Variants in GRIK2 observed in about 807,000 individuals in gnomAD.
The protein encoded by GRIK2 is glutamate receptor ionotropic, kainate 2.
A neutral mutation model predicts 100.3 loss-of-function variants in GRIK2; 32 were observed. The ratio of observed to expected loss-of-function variants is 0.32; its 90% CI spans 0.24 to 0.43. The LOEUF is 0.43. Ranked by LOEUF, GRIK2 falls within the 20% of genes least tolerant of loss-of-function variation. The pLI is 1.00. For synonymous variants in GRIK2, 417 were observed against 389.4 expected, an observed-to-expected ratio of 1.07 and a Z score of -0.83; for missense variants, 843 against 1,114.9, an observed-to-expected ratio of 0.76 and a Z score of 3.47.
chr6:102,032,650 T>A (rs1770059798), intron 14 of GRIK2, among the ~76,000 whole-genome samples: 1 of 151,370 alleles, frequency 6.6e-6, no homozygotes. Context: ...CTTTCTCTCA[T>A]ATTAGAGAGT....
chr6:101,478,181 G>A (rs1772345624), intron 2 of GRIK2, among the ~76,000 whole-genome samples: 1 of 152,192 alleles, frequency 6.6e-6, no homozygotes. Context: ...GTTTAATCCT[G>A]AATTTTAGCA....
intron 2 of GRIK2, among the ~76,000 whole-genome samples, chr6:101,542,003 T>A (rs992555780): frequency 2.6e-5 from 4 of 152,122 alleles, no homozygotes; most frequent in African/African-American, 9.7e-5. Context: ...CACAATGATA[T>A]TTAAATGATA....
intron 14 of GRIK2, among the ~76,000 whole-genome samples, chr6:101,963,649 G>A (rs1345281729): frequency 6.6e-6 from 1 of 151,378 alleles, no homozygotes; most frequent in Non-Finnish European, 1.5e-5. Context: ...ACCGCGCCCG[G>A]CCACTTATTT....
chr6:101,996,252 C>T lies in GRIK2; in HGVS notation c.2086-39089C>T, dbSNP rs541830081. ...AAATACTACTTCATACTTTTGATCTCATTTCCTGTTTTTTATTACATTAGA... is the reference window on the plus strand; with the variant it reads ...AAATACTACTTCATACTTTTGATCTTATTTCCTGTTTTTTATTACATTAGA... On this transcript the variant is annotated intron_variant, in intron 14 of 16. Coordinates refer to ENST00000369134, the MANE Select transcript of GRIK2 (RefSeq NM_021956.5). Among the ~76,000 whole-genome samples the T allele has an allele frequency of 1.1e-4, 17 of 152,164 alleles. No homozygotes were observed. In the South Asian group the frequency reaches 3.5e-3, roughly 32 times the overall value.
chr6:101,730,711 G>A (rs1775205026), intron 7 of GRIK2, among the ~76,000 whole-genome samples: 1 of 151,678 alleles, frequency 6.6e-6, no homozygotes, highest in East Asian at 1.9e-4. Context: ...GAAAGTGGAA[G>A]GGGAGGAAAT....
chr6:101,590,355 A>C (rs1778582876), intron 2 of GRIK2, among the ~76,000 whole-genome samples: 1 of 152,086 alleles, frequency 6.6e-6, no homozygotes, highest in South Asian at 2.1e-4. Context: ...TAGCAGAGGA[A>C]AAGGCTTCTC....
chr6:101,889,017 G>A (rs956167486), intron 11 of GRIK2, among the ~76,000 whole-genome samples: 1 of 151,982 alleles, frequency 6.6e-6, no homozygotes, highest in Non-Finnish European at 1.5e-5. Context: ...TTCCTAATGC[G>A]ATTTAGGCAA....
intron 2 of GRIK2, among the ~76,000 whole-genome samples, chr6:101,579,828 C>A (rs1777983147): frequency 7.0e-6 from 1 of 143,104 alleles, no homozygotes; most frequent in East Asian, 2.0e-4. Context: ...TCCAACCTGG[C>A]AACAGAGCGA....
intron 14 of GRIK2, among the ~76,000 whole-genome samples, chr6:101,967,571 G>A (rs1582634943): frequency 6.6e-6 from 1 of 152,130 alleles, no homozygotes; most frequent in South Asian, 2.1e-4. Context: ...TCACAAAGAC[G>A]ACTTGTACCT....
At chr6:101,617,333 G>T (rs1779936406) in intron 2 of GRIK2, among the ~76,000 whole-genome samples, 2 of 151,672 alleles carry the variant, frequency 1.3e-5, no homozygotes, top group Non-Finnish European at 3.0e-5. Context: ...TGAACTTTTT[G>T]AACAATGAAA....
chr6:101,467,860 TG>T (rs768299977), intron 2 of GRIK2, among the ~76,000 whole-genome samples: 36 of 151,462 alleles, frequency 2.4e-4, no homozygotes, highest in Non-Finnish European at 4.4e-4. Context: ...AAATACCCAG[TG>T]TGGGCTGCTT....
At chr6:102,005,042 T>C (rs528801602) in intron 14 of GRIK2, among the ~76,000 whole-genome samples, 1 of 151,980 alleles carries the variant, frequency 6.6e-6, no homozygotes, top group East Asian at 1.9e-4. Flanking sequence ...CAGCTTCTCA[T>C]GTACTTCTTT....
At chr6:101,718,391 A>G (rs1774215335) in intron 7 of GRIK2, among the ~76,000 whole-genome samples, 1 of 151,944 alleles carries the variant, frequency 6.6e-6, no homozygotes, top group South Asian at 2.1e-4. Context: ...AGTGACAAAT[A>G]TCACATATCA....
At chr6:101,974,664 A>G (rs1037708053) in intron 14 of GRIK2, among the ~76,000 whole-genome samples, 20 of 151,972 alleles carry the variant, frequency 1.3e-4, no homozygotes, top group African/African-American at 4.8e-4. Context: ...GATTGGTCGA[A>G]GCTCATCCAC....
intron 2 of GRIK2, among the ~76,000 whole-genome samples, chr6:101,530,911 C>A (rs1413292270): frequency 6.6e-6 from 1 of 151,846 alleles, no homozygotes; most frequent in African/African-American, 2.4e-5. Flanking sequence ...GAGGAAAGAG[C>A]CATTGACGAA....
At chr6:101,652,981 G>A (rs1781872911) in intron 4 of GRIK2, among the ~76,000 whole-genome samples, 1 of 152,240 alleles carries the variant, frequency 6.6e-6, no homozygotes, top group Non-Finnish European at 1.5e-5. Flanking sequence ...GATGTGGGGA[G>A]TGCATTGTGA....
chr6:102,028,631 G>C (rs1033183532), intron 14 of GRIK2, among the ~76,000 whole-genome samples: 8 of 151,180 alleles, frequency 5.3e-5, no homozygotes, highest in Non-Finnish European at 7.4e-5. Context: ...TGCATTTCAT[G>C]CAATATCTCT....
At chr6:101,476,948 G>A (rs956708188) in intron 2 of GRIK2, among the ~76,000 whole-genome samples, 6 of 152,074 alleles carry the variant, frequency 3.9e-5, no homozygotes, top group Non-Finnish European at 7.4e-5. Context: ...AAATATTCGA[G>A]TCTTAAGCAA....
intron 3 of GRIK2, among the ~76,000 whole-genome samples, chr6:101,623,628 A>G (rs904082684): frequency 1.3e-5 from 2 of 152,250 alleles, no homozygotes; most frequent in Admixed American, 1.3e-4. Flanking sequence ...GGATGTTCTC[A>G]CAACAGAGTA....
Sources: gnomAD v4.1 joint callset for allele counts (sites outside exome capture counted in the v4.1 genomes callset) on GRCh38, gnomAD v4.1.1 for gene constraint, MANE v1.5 for transcripts, NCBI Gene and HGNC (gene_info 2026-07-23, HGNC 2026-07-21) for gene names.